ADAMTS18: variants seen among roughly 807,000 people sequenced by gnomAD.
The protein encoded by ADAMTS18 is ADAM metallopeptidase with thrombospondin type 1 motif 18.
Under a neutral mutation model 165.9 loss-of-function variants are expected in ADAMTS18, and 157 were observed. The ratio of observed to expected loss-of-function variants is 0.95; its 90% CI spans 0.83 to 1.08. The LOEUF is 1.08. Ranked by LOEUF, ADAMTS18 falls within the 50% of genes least tolerant of loss-of-function variation. ADAMTS18 has a pLI of 0.00. For synonymous variants in ADAMTS18, 782 were observed against 578.2 expected (o/e 1.35, Z -5.06); for missense variants, 2,040 against 1,534.0 (o/e 1.33, Z -5.51).
At chr16:77,402,700 T>G (rs907316524) in intron 3 of ADAMTS18, among the ~76,000 whole-genome samples, 3 of 152,214 alleles carry the variant, frequency 2.0e-5, no homozygotes, top group African/African-American at 7.2e-5. Flanking sequence ...AGAAAATACA[T>G]TTTCACAAAA....
chr16:77,417,361 G>C (rs535948820), intron 3 of ADAMTS18, among the ~76,000 whole-genome samples: 19 of 152,106 alleles, frequency 1.2e-4, no homozygotes, highest in Non-Finnish European at 1.6e-4. Flanking sequence ...ATGTCAAGTT[G>C]TTAGTTACTG....
intron 3 of ADAMTS18, among the ~76,000 whole-genome samples, chr16:77,413,750 G>A (rs978671977): frequency 2.2e-5 from 3 of 135,838 alleles, no homozygotes; most frequent in Non-Finnish European, 4.8e-5. Flanking sequence ...GTATAACTAA[G>A]AAAGTTATTA....
chr16:77,333,433 G>C (rs990287619), intron 12 of ADAMTS18, among the ~76,000 whole-genome samples: 2 of 150,050 alleles, frequency 1.3e-5, no homozygotes, highest in Non-Finnish European at 3.0e-5. Context: ...TAACAAACCT[G>C]CACATTCTGC....
At chr16:77,405,470 C>G (rs2057382414) in intron 3 of ADAMTS18, among the ~76,000 whole-genome samples, 1 of 152,106 alleles carries the variant, frequency 6.6e-6, no homozygotes, top group Non-Finnish European at 1.5e-5. Flanking sequence ...AGGACATAAA[C>G]CTTAGGAAAT....
intron 2 of ADAMTS18, chr16:77,432,589 A>C (rs2057752191): frequency 6.6e-6 from 1 of 152,198 alleles, no homozygotes; most frequent in African/African-American, 2.4e-5. Flanking sequence ...GTGCATTAAA[A>C]AACAGCCTGC....
At chr16:77,387,880 G>C (rs2057131207) in intron 3 of ADAMTS18, among the ~76,000 whole-genome samples, 2 of 152,278 alleles carry the variant, frequency 1.3e-5, no homozygotes, top group South Asian at 2.1e-4. Context: ...GGGTGCTGCA[G>C]ACTCATCCAT....
chr16:77,373,651 C>T (rs2056909081), intron 3 of ADAMTS18, among the ~76,000 whole-genome samples: 2 of 152,032 alleles, frequency 1.3e-5, no homozygotes, highest in South Asian at 4.2e-4. Flanking sequence ...CAAAATCTCA[C>T]AAATCACCAC....
chr16:77,312,934 C>T (rs1453729038), intron 16 of ADAMTS18, among the ~76,000 whole-genome samples: 2 of 152,088 alleles, frequency 1.3e-5, no homozygotes, highest in Non-Finnish European at 2.9e-5. Flanking sequence ...CCCCGCAATC[C>T]CATTACTGGG....
At chr16:77,411,674 A>G (rs2057464943) in intron 3 of ADAMTS18, among the ~76,000 whole-genome samples, 1 of 125,382 alleles carries the variant, frequency 8.0e-6, no homozygotes, top group African/African-American at 3.2e-5. Flanking sequence ...CAGAGTATCC[A>G]GAATTTTTTT....
At chr16:77,345,737 C>A (rs1202952786) in intron 10 of ADAMTS18, among the ~76,000 whole-genome samples, 1 of 152,158 alleles carries the variant, frequency 6.6e-6, no homozygotes, top group African/African-American at 2.4e-5. Flanking sequence ...GTAGTAAGTA[C>A]CTACCATATT....
intron 3 of ADAMTS18, among the ~76,000 whole-genome samples, chr16:77,392,105 G>T (rs1211402977): frequency 6.6e-6 from 1 of 152,152 alleles, no homozygotes; most frequent in Non-Finnish European, 1.5e-5. Flanking sequence ...TGACCACACA[G>T]ATGTGCCAGG....
chr16:77,340,332 G>A (rs1378490950), intron 11 of ADAMTS18, among the ~76,000 whole-genome samples: 2 of 151,864 alleles, frequency 1.3e-5, no homozygotes, highest in African/African-American at 2.4e-5. Flanking sequence ...GTGCCACCAC[G>A]CCCAGCAAAT....
intron 3 of ADAMTS18, among the ~76,000 whole-genome samples, chr16:77,399,125 A>T (rs2057295100): frequency 6.6e-6 from 1 of 152,120 alleles, no homozygotes; most frequent in African/African-American, 2.4e-5. Context: ...AGCTAGACCC[A>T]CCACCAGGTG....
chr16:77,312,636 C>T (rs2055804730), intron 16 of ADAMTS18, among the ~76,000 whole-genome samples: 1 of 152,184 alleles, frequency 6.6e-6, no homozygotes, highest in Non-Finnish European at 1.5e-5. Flanking sequence ...TGATGAATGA[C>T]ATACAGAGCT....
rs138668181 is a variant in ADAMTS18 at position 77,425,308 on chromosome 16, T to C, written c.495+5987A>G. Among the ~76,000 whole-genome samples, 681 of 152,276 alleles carry C rather than the reference T, an allele frequency of 4.5e-3. 3 individuals are homozygous for C. Among genetic ancestry groups the C allele is most frequent in the African/African-American group, 0.015 (634 of 41,572 alleles). On this transcript the variant is annotated intron_variant, in intron 3 of 22. Coordinates refer to ENST00000282849, the MANE Select transcript of ADAMTS18 (RefSeq NM_199355.4). The stretch of plus-strand genomic sequence containing the variant: ...GAAACCGAGTGACAAAATTGGATGA[T>C]GCATCAGGAATTGAGGCTGGAGGGA...
intron 7 of ADAMTS18, among the ~76,000 whole-genome samples, chr16:77,361,241 C>G (rs2056708821): frequency 6.6e-6 from 1 of 152,064 alleles, no homozygotes; most frequent in African/African-American, 2.4e-5. Context: ...ACTGTCTGGC[C>G]CTTCACAGAG....
intron 10 of ADAMTS18, 117 bp downstream of exon 10, chr16:77,353,616 T>G: frequency 2.2e-6 from 3 of 1,376,866 alleles, no homozygotes; most frequent in Non-Finnish European, 3.1e-6. Flanking sequence ...ACTGACACGG[T>G]AGAGATAACC....
intron 21 of ADAMTS18, 184 bp downstream of exon 21, chr16:77,291,082 C>A: frequency 1.7e-6 from 1 of 601,152 alleles, no homozygotes; most frequent in Non-Finnish European, 2.9e-6. Context: ...GATGTGAAAA[C>A]TGAGGTTTAC....
intron 3 of ADAMTS18, among the ~76,000 whole-genome samples, chr16:77,399,940 A>G (rs1246833008): frequency 6.6e-6 from 1 of 152,174 alleles, no homozygotes; most frequent in African/African-American, 2.4e-5. Context: ...GTCTATCTTT[A>G]GGAAGAGAGT....
Sources: gnomAD v4.1 joint callset for allele counts (sites outside exome capture counted in the v4.1 genomes callset) on GRCh38, gnomAD v4.1.1 for gene constraint, MANE v1.5 for transcripts, NCBI Gene and HGNC (gene_info 2026-07-23, HGNC 2026-07-21) for gene names.